Variants in DCC observed in about 807,000 individuals in gnomAD.
The protein encoded by DCC is netrin receptor DCC.
A neutral mutation model predicts 172.5 loss-of-function variants in DCC; 58 were observed. That is an observed-to-expected ratio of 0.34 (90% CI 0.27 to 0.42). DCC has a LOEUF of 0.42. Among genes scored for constraint, DCC ranks in the 10% least tolerant of loss-of-function variants. DCC has a pLI of 1.00. For missense variants in DCC, 1,740 were observed against 1,791.0 expected, an observed-to-expected ratio of 0.97 and a Z score of 0.51; for synonymous variants, 709 against 644.5, an observed-to-expected ratio of 1.10 and a Z score of -1.52.
intron 1 of DCC, among the ~76,000 whole-genome samples, chr18:52,620,642 CT>C (rs1426330104): frequency 1.3e-5 from 2 of 151,622 alleles, no homozygotes; most frequent in African/African-American, 4.8e-5. Flanking sequence ...TTTTAAATTA[CT>C]TTTTAGTTAT....
At chr18:52,788,752 G>A (rs868513673) in intron 2 of DCC, among the ~76,000 whole-genome samples, 1 of 152,254 alleles carries the variant, frequency 6.6e-6, no homozygotes, top group African/African-American at 2.4e-5. Flanking sequence ...GGGCCAGGAA[G>A]GCATGCATTT....
chr18:53,014,810 A>C (rs189365779), intron 5 of DCC, among the ~76,000 whole-genome samples: 1 of 152,148 alleles, frequency 6.6e-6, no homozygotes, highest in Non-Finnish European at 1.5e-5. Context: ...TGAAGCTGGC[A>C]GGAGGAAATT....
intron 9 of DCC, among the ~76,000 whole-genome samples, chr18:53,182,208 A>C (rs539363233): frequency 1.3e-5 from 2 of 152,376 alleles, no homozygotes; most frequent in African/African-American, 4.8e-5. Context: ...AATGAAAATG[A>C]AGAATCTCTC....
chr18:52,373,646 G>GCT (rs141648623), intron 1 of DCC, among the ~76,000 whole-genome samples: 128 of 150,196 alleles, frequency 8.5e-4, no homozygotes, highest in African/African-American at 2.7e-3. Flanking sequence ...GAAGGTTAGA[G>GCT]CTCTCTCTCT....
chr18:53,442,023 C>A lies in DCC; in HGVS notation c.3229+6814C>A, dbSNP rs73960158. Among the ~76,000 whole-genome samples the A allele has an allele frequency of 2.0e-5, 3 of 152,344 alleles. No individual in the cohort carries two copies. In the East Asian group the frequency reaches 5.8e-4, roughly 29 times the overall value. ...AATAGGAGCTGATGCTTAGCAATAA[C>A]TCATGCTTCAGCCTGTTGCTTTCAT... On this transcript the variant is annotated intron_variant, in intron 22 of 28. Transcript: ENST00000442544.
At chr18:52,711,856 A>G (rs2036297370) in intron 1 of DCC, among the ~76,000 whole-genome samples, 1 of 152,154 alleles carries the variant, frequency 6.6e-6, no homozygotes, top group African/African-American at 2.4e-5. Context: ...TTTCTGTATA[A>G]TCCCTGACTT....
intron 1 of DCC, among the ~76,000 whole-genome samples, chr18:52,553,622 T>A (rs1489694618): frequency 6.6e-6 from 1 of 151,850 alleles, no homozygotes; most frequent in East Asian, 1.9e-4. Flanking sequence ...GTCTTCCCAG[T>A]GTGAGTGCAC....
intron 1 of DCC, among the ~76,000 whole-genome samples, chr18:52,632,712 C>T (rs768858522): frequency 2.0e-5 from 3 of 152,172 alleles, no homozygotes; most frequent in East Asian, 3.9e-4. Flanking sequence ...TGGTTTCACG[C>T]TCCTATTTGT....
chr18:53,019,039 GA>G (rs1328133246), intron 5 of DCC, among the ~76,000 whole-genome samples: 19 of 152,160 alleles, frequency 1.2e-4, no homozygotes, highest in Non-Finnish European at 8.8e-5. Context: ...TTTTGTAGGA[GA>G]AAACTAGTAA....
intron 13 of DCC, among the ~76,000 whole-genome samples, chr18:53,316,089 CTT>C (rs952265395): frequency 1.8e-4 from 28 of 152,230 alleles, no homozygotes; most frequent in African/African-American, 6.7e-4. Context: ...GGTTTTAGGT[CTT>C]ACATTTAAGT....
At chr18:53,067,607 G>A (rs539545390) in intron 7 of DCC, among the ~76,000 whole-genome samples, 12 of 152,078 alleles carry the variant, frequency 7.9e-5, no homozygotes, top group Non-Finnish European at 1.8e-4. Flanking sequence ...TTCTTGGGAG[G>A]AGAGACAAAA....
At chr18:53,425,891 C>T (rs1279342377) in intron 21 of DCC, among the ~76,000 whole-genome samples, 1 of 152,044 alleles carries the variant, frequency 6.6e-6, no homozygotes. Flanking sequence ...CACAGTCATC[C>T]AGAATAATCT....
chr18:52,790,243 AG>A (rs1377518472), intron 2 of DCC, among the ~76,000 whole-genome samples: 7 of 152,318 alleles, frequency 4.6e-5, no homozygotes, highest in African/African-American at 1.7e-4. Context: ...TGGCATGAAC[AG>A]GAGGCTTATG....
intron 26 of DCC, among the ~76,000 whole-genome samples, chr18:53,488,339 C>T (rs958547161): frequency 1.3e-5 from 2 of 151,964 alleles, no homozygotes; most frequent in Non-Finnish European, 2.9e-5. Flanking sequence ...TGTGACACTG[C>T]AATCCAGCCT....
At chr18:53,426,425 A>ATT (rs1224809143) in intron 21 of DCC, among the ~76,000 whole-genome samples, 2 of 51,874 alleles carry the variant, frequency 3.9e-5, no homozygotes, top group East Asian at 7.1e-4. Context: ...ATATATATTT[A>ATT]TATATTTATA....
rs933053120 is a variant in DCC, at chr18:52,976,573, A to G, written c.985+51203A>G. Among the ~76,000 whole-genome samples, 18 of 152,222 alleles carry G rather than the reference A, an allele frequency of 1.2e-4. 1 individual carries two copies. The highest frequency in any genetic ancestry group is 4.1e-4 in the African/African-American group (17 of 41,466). Reference sequence around the variant, plus strand: ...TATATGAACTTTGCAAGATGACACAATTCCATCCATGACAACATTTAAAGC... The same window carrying G: ...TATATGAACTTTGCAAGATGACACAGTTCCATCCATGACAACATTTAAAGC... On this transcript the variant is annotated intron_variant, in intron 5 of 28. Coordinates refer to ENST00000442544, the MANE Select transcript of DCC (RefSeq NM_005215.4).
In DCC at chr18:53,219,198, T is replaced by A. The variant is rs183375453; in HGVS notation, c.1911+3601T>A. On this transcript the variant is annotated intron_variant, in intron 12 of 28. Transcript: ENST00000442544. ...ACATTCACTGTTCCTCTAGCCACTT[T>A]AATCTGTTGAACCTTTCAAAGTTGA... 2.0e-3 allele frequency among the ~76,000 whole-genome samples: 310 copies of A among 152,306 alleles called. 2 individuals carry two copies. Among genetic ancestry groups the A allele is most frequent in the Non-Finnish European group, 3.1e-3 (210 of 68,018 alleles).
At chr18:52,395,369 G>A (rs1388702124) in intron 1 of DCC, among the ~76,000 whole-genome samples, 1 of 152,002 alleles carries the variant, frequency 6.6e-6, no homozygotes, top group Non-Finnish European at 1.5e-5. Flanking sequence ...AAAAAACCAA[G>A]GCTCTGTTTG....
intron 13 of DCC, among the ~76,000 whole-genome samples, chr18:53,319,182 C>A (rs1381997652): frequency 4.6e-5 from 7 of 152,132 alleles, no homozygotes; most frequent in Admixed American, 4.6e-4. Flanking sequence ...AGACCATTGA[C>A]ACCATGAAGA....
Sources: allele counts gnomAD v4.1 joint callset (sites outside exome capture counted in the v4.1 genomes callset), GRCh38; gene constraint gnomAD v4.1.1; transcripts MANE v1.5; gene names NCBI Gene and HGNC (gene_info 2026-07-23, HGNC 2026-07-21).